SLC10A7: variants seen among roughly 807,000 people sequenced by gnomAD.
SLC10A7 encodes the protein sodium/bile acid cotransporter 7.
A neutral mutation model predicts 43.2 loss-of-function variants in SLC10A7; 29 were observed. That is an observed-to-expected ratio of 0.67 (90% confidence interval 0.50 to 0.92). SLC10A7 has a LOEUF of 0.92. Ranked by LOEUF, SLC10A7 falls within the 40% of genes least tolerant of loss-of-function variation. The pLI is 0.00. For missense variants in SLC10A7, 295 were observed against 403.2 expected (o/e 0.73, Z 2.30); for synonymous variants, 152 against 144.8 (o/e 1.05, Z -0.35).
At chr4:146,306,573 G>A (rs1014052337) in intron 6 of SLC10A7, among the ~76,000 whole-genome samples, 8 of 152,010 alleles carry the variant, frequency 5.3e-5, no homozygotes, top group African/African-American at 1.7e-4. Context: ...CCCTAAATTT[G>A]TACGCTTTAA....
intron 6 of SLC10A7, among the ~76,000 whole-genome samples, chr4:146,315,097 G>A (rs957469648): frequency 5.9e-5 from 9 of 151,976 alleles, no homozygotes; most frequent in African/African-American, 1.9e-4. Flanking sequence ...TAACTACTAC[G>A]GAGACTGGTA....
intron 2 of SLC10A7, among the ~76,000 whole-genome samples, chr4:146,513,203 A>T (rs564106158): frequency 1.2e-4 from 18 of 152,188 alleles, no homozygotes; most frequent in Admixed American, 9.8e-4. Context: ...TAAATAAATC[A>T]TATGTTCATA....
intron 4 of SLC10A7, among the ~76,000 whole-genome samples, chr4:146,484,344 ACT>A (rs1396868663): frequency 3.3e-5 from 5 of 152,106 alleles, no homozygotes; most frequent in Non-Finnish European, 5.9e-5. Flanking sequence ...ACAGAGAGAC[ACT>A]CTGTCTCTAA....
chr4:146,491,428 T>C (rs1427621276), intron 4 of SLC10A7, among the ~76,000 whole-genome samples: 5 of 152,076 alleles, frequency 3.3e-5, no homozygotes, highest in African/African-American at 1.2e-4. Context: ...AAGTTTAGGA[T>C]AGTGTTTTTC....
intron 6 of SLC10A7, among the ~76,000 whole-genome samples, chr4:146,319,369 C>T (rs1732539162): frequency 6.6e-6 from 1 of 152,040 alleles, no homozygotes; most frequent in African/African-American, 2.4e-5. Flanking sequence ...GATCTTTGCT[C>T]AAATATCATT....
intron 5 of SLC10A7, among the ~76,000 whole-genome samples, chr4:146,391,744 G>A (rs112556365): frequency 1.1e-4 from 16 of 152,298 alleles, no homozygotes; most frequent in African/African-American, 3.8e-4. Flanking sequence ...AGAGCATCTT[G>A]CCCTCACAAG....
At chr4:146,325,825 G>A in intron 6 of SLC10A7, 136 bp downstream of exon 6, 1 of 777,754 alleles carries the variant, frequency 1.3e-6, no homozygotes, top group East Asian at 2.7e-5. Context: ...TTATTATGCG[G>A]TACAGCTAAA....
At chr4:146,277,188 G>T (rs1166885039) in intron 10 of SLC10A7, among the ~76,000 whole-genome samples, 2 of 152,168 alleles carry the variant, frequency 1.3e-5, no homozygotes, top group African/African-American at 4.8e-5. Flanking sequence ...GAGGAATAGA[G>T]CATGAGAGTA....
intron 5 of SLC10A7, among the ~76,000 whole-genome samples, chr4:146,343,134 G>A (rs999106809): frequency 1.3e-5 from 2 of 151,896 alleles, no homozygotes; most frequent in Non-Finnish European, 2.9e-5. Flanking sequence ...TTTAAAAGAT[G>A]AATAATTATA....
intron 4 of SLC10A7, among the ~76,000 whole-genome samples, chr4:146,467,634 C>G (rs1733165483): frequency 7.2e-6 from 1 of 139,294 alleles, no homozygotes; most frequent in Non-Finnish European, 1.5e-5. Context: ...ACAGTCTCAG[C>G]ATACTGCAAT....
chr4:146,348,653 T>TA (rs149776581), intron 5 of SLC10A7, among the ~76,000 whole-genome samples: 1,667 of 152,280 alleles, frequency 0.011, 23 homozygotes, highest in African/African-American at 0.037. Flanking sequence ...CTACAGTACA[T>TA]AAAAACGTAT....
At position 146,306,019 on chromosome 4, in the gene SLC10A7, A is replaced by G. The variant is rs1271039596; in HGVS notation, c.472-10T>C. Reference sequence around the variant, plus strand: ...AAGAAGATGAACCAAGCTGTAAAACAAGAAAATAGGAGTTAGAATTACTTC... The same window carrying G: ...AAGAAGATGAACCAAGCTGTAAAACGAGAAAATAGGAGTTAGAATTACTTC... On this transcript the variant is annotated splice_polypyrimidine_tract_variant and intron_variant, in intron 6 of 11. Coordinates refer to ENST00000335472, the MANE Select transcript of SLC10A7 (RefSeq NM_001029998.6). 6.3e-7 allele frequency: 1 copy of G among 1,592,142 alleles called. No individual in the cohort carries two copies. The highest frequency in any genetic ancestry group is 1.4e-5 in the African/African-American group (1 of 73,800).
rs185620254 is a variant in SLC10A7, at chr4:146,321,731, C to T, written c.471+4230G>A. ...GGATTATAGGTGTGAGCCACCACAT[C>T]TGGCCTTGTTCACATTTTAAGTCAT... On this transcript the variant is annotated intron_variant, in intron 6 of 11. Coordinates refer to ENST00000335472, the MANE Select transcript of SLC10A7 (RefSeq NM_001029998.6). Among the ~76,000 whole-genome samples the T allele has an allele frequency of 3.6e-3, 550 of 152,232 alleles. 3 individuals carry two copies. Among genetic ancestry groups the T allele is most frequent in the Middle Eastern group, 0.014 (4 of 294 alleles).
intron 5 of SLC10A7, among the ~76,000 whole-genome samples, chr4:146,411,301 G>A (rs1002227575): frequency 1.3e-5 from 2 of 152,132 alleles, no homozygotes; most frequent in Non-Finnish European, 2.9e-5. Context: ...GCCAGACTAT[G>A]AGATGGAAAA....
chr4:146,495,626 C>G (rs529879990), intron 4 of SLC10A7, among the ~76,000 whole-genome samples: 1 of 151,984 alleles, frequency 6.6e-6, no homozygotes, highest in Non-Finnish European at 1.5e-5. Context: ...GATAGAAAAC[C>G]TTTTTTAAAT....
Position 146,306,705 on chromosome 4 carries a change from A to C in SLC10A7, c.472-696T>G, listed in dbSNP as rs188253766. 2.8e-3 allele frequency among the ~76,000 whole-genome samples: 421 copies of C among 152,288 alleles called. 1 individual carries two copies. The highest frequency in any genetic ancestry group is 5.0e-3 in the Non-Finnish European group (338 of 68,020). On this transcript the variant is annotated intron_variant, in intron 6 of 11. Coordinates refer to ENST00000335472, the MANE Select transcript of SLC10A7 (RefSeq NM_001029998.6). ...AGCACAAGAGTGCTTATCTACACAC[A>C]CAGTAACACACTCACGTTAGCCTCC...
chr4:146,427,342 ATTC>A (rs773164069), intron 5 of SLC10A7, among the ~76,000 whole-genome samples: 3 of 152,158 alleles, frequency 2.0e-5, no homozygotes, highest in Non-Finnish European at 4.4e-5. Context: ...AAAGAAAAGT[ATTC>A]TTCTTAATCT....
intron 5 of SLC10A7, chr4:146,442,293 T>C: frequency 2.0e-6 from 2 of 985,612 alleles, no homozygotes; most frequent in Non-Finnish European, 2.4e-6. Context: ...ATTAGTCATA[T>C]CTTCCTTTCA....
rs552326452 is a variant in SLC10A7 at position 146,344,540 on chromosome 4, G to A, written c.436-18544C>T. On this transcript the variant is annotated intron_variant, in intron 5 of 11. Coordinates refer to ENST00000335472, the MANE Select transcript of SLC10A7 (RefSeq NM_001029998.6). Reference sequence around the variant, plus strand: ...TTCTTTTGAAGTAGTAGTTTTCACGGTGTGGCCTGGGGACCTACGGGTTCC... The same window carrying A: ...TTCTTTTGAAGTAGTAGTTTTCACGATGTGGCCTGGGGACCTACGGGTTCC... Among the ~76,000 whole-genome samples, 31 of 152,058 alleles carry A rather than the reference G, an allele frequency of 2.0e-4. 1 individual carries two copies. In the South Asian group the frequency reaches 5.8e-3, roughly 29 times the overall value.
Sources: allele counts gnomAD v4.1 joint callset (sites outside exome capture counted in the v4.1 genomes callset), GRCh38; gene constraint gnomAD v4.1.1; transcripts MANE v1.5; gene names NCBI Gene and HGNC (gene_info 2026-07-23, HGNC 2026-07-21).